ANK3: variants seen among roughly 807,000 people sequenced by gnomAD.
The protein encoded by ANK3 is ankyrin 3.
Under a neutral mutation model 370.9 loss-of-function variants are expected in ANK3, and 57 were observed. The ratio of observed to expected loss-of-function variants is 0.15; its 90% CI spans 0.12 to 0.19. The LOEUF (loss-of-function observed/expected upper bound fraction) is 0.19. ANK3 is among the 10% of genes least tolerant of loss of function. The pLI is 1.00. For missense variants in ANK3, 4,439 were observed against 5,302.1 expected, an observed-to-expected ratio of 0.84 and a Z score of 5.06; for synonymous variants, 1,929 against 1,946.3, an observed-to-expected ratio of 0.99 and a Z score of 0.23.
At chr10:60,232,696 C>A (rs753174696) in intron 8 of ANK3, among the ~76,000 whole-genome samples, 1 of 152,076 alleles carries the variant, frequency 6.6e-6, no homozygotes, top group Non-Finnish European at 1.5e-5. Flanking sequence ...AAAAAGAAGT[C>A]TAGGTCTCCT....
intron 1 of ANK3, among the ~76,000 whole-genome samples, chr10:60,379,567 A>AAC (rs1200606475): frequency 1.6e-4 from 24 of 152,292 alleles, no homozygotes; most frequent in Admixed American, 1.2e-3. Flanking sequence ...CATTTGTAGC[A>AAC]ACATGGGCAG....
chr10:60,627,683 C>G (rs898119612), intron 1 of ANK3, among the ~76,000 whole-genome samples: 2 of 152,154 alleles, frequency 1.3e-5, no homozygotes, highest in African/African-American at 4.8e-5. Context: ...GGTCAAGAGT[C>G]TGCCCTCTGA....
chr10:60,351,369 C>T (rs1418736183), intron 1 of ANK3, among the ~76,000 whole-genome samples: 1 of 152,172 alleles, frequency 6.6e-6, no homozygotes, highest in East Asian at 1.9e-4. Flanking sequence ...CATAACCAGT[C>T]AATAACCCCT....
At chr10:60,316,498 G>C (rs1246667890) in intron 1 of ANK3, among the ~76,000 whole-genome samples, 2 of 152,130 alleles carry the variant, frequency 1.3e-5, no homozygotes, top group African/African-American at 4.8e-5. Context: ...CATAATAACA[G>C]TTTTATTTGA....
intron 24 of ANK3, chr10:60,138,483 A>G: frequency 2.5e-6 from 1 of 396,044 alleles, no homozygotes; most frequent in Non-Finnish European, 4.4e-6. Context: ...GAGATACTCA[A>G]ACACTTGGTG....
intron 28 of ANK3, 112 bp from the exon 29 acceptor site, chr10:60,088,470 G>A: frequency 1.1e-6 from 1 of 946,658 alleles, no homozygotes; most frequent in South Asian, 1.6e-5. Context: ...TTGTTACCCA[G>A]GCTGAAGTGC....
chr10:60,235,095 T>C (rs1290854428), intron 7 of ANK3, among the ~76,000 whole-genome samples: 1 of 152,218 alleles, frequency 6.6e-6, no homozygotes, highest in Non-Finnish European at 1.5e-5. Context: ...AATGTATTTT[T>C]CTATAATTTG....
At chr10:60,411,636 T>C (rs778540415) in intron 2 of ANK3, among the ~76,000 whole-genome samples, 9 of 152,024 alleles carry the variant, frequency 5.9e-5, no homozygotes, top group Non-Finnish European at 1.3e-4. Context: ...AGAAATGAAT[T>C]AAGCAGCACC....
chr10:60,097,746 C>T (rs1035054086), intron 28 of ANK3, among the ~76,000 whole-genome samples: 1 of 152,184 alleles, frequency 6.6e-6, no homozygotes, highest in African/African-American at 2.4e-5. Flanking sequence ...AATGGGGACA[C>T]AGCTCTGTTT....
At chr10:60,625,900 A>G (rs2078403588) in intron 1 of ANK3, among the ~76,000 whole-genome samples, 2 of 152,232 alleles carry the variant, frequency 1.3e-5, no homozygotes, top group South Asian at 4.1e-4. Context: ...ACATTAGTAC[A>G]TATTTTTAAA....
At chr10:60,089,497 GTGTGTGTGTGTA>G (rs1251665284) in intron 28 of ANK3, among the ~76,000 whole-genome samples, 37 of 127,468 alleles carry the variant, frequency 2.9e-4, no homozygotes, top group African/African-American at 1.1e-3. Context: ...GTGTGTGTGT[GTGTGTGTGTGTA>G]TGTATGTGTG....
chr10:60,712,593 A>C (rs1433503767), intron 1 of ANK3, among the ~76,000 whole-genome samples: 4 of 152,222 alleles, frequency 2.6e-5, no homozygotes, highest in Admixed American at 2.6e-4. Context: ...AGTGAAAAAT[A>C]TGGTAGATAT....
intron 1 of ANK3, among the ~76,000 whole-genome samples, chr10:60,707,132 C>A (rs1021840774): frequency 1.3e-5 from 2 of 152,182 alleles, no homozygotes; most frequent in Middle Eastern, 3.4e-3. Flanking sequence ...AACCAACAAT[C>A]GAACTCTAAT....
chr10:60,342,842 A>T (rs1416112356), intron 1 of ANK3, among the ~76,000 whole-genome samples: 1 of 152,152 alleles, frequency 6.6e-6, no homozygotes, highest in Non-Finnish European at 1.5e-5. Context: ...GGGTTCCATG[A>T]CCCAGTACAT....
intron 2 of ANK3, among the ~76,000 whole-genome samples, chr10:60,461,286 T>C (rs2064877178): frequency 6.6e-6 from 1 of 152,160 alleles, no homozygotes; most frequent in East Asian, 1.9e-4. Flanking sequence ...AATGCTATAC[T>C]TACCATGCTA....
intron 1 of ANK3, among the ~76,000 whole-genome samples, chr10:60,331,105 T>C (rs561005013): frequency 1.2e-4 from 17 of 136,050 alleles, no homozygotes; most frequent in Admixed American, 8.4e-4. Context: ...CATTACAAAC[T>C]GGGCCTGTCA....
At chr10:60,599,368 T>C (rs2078030003) in intron 2 of ANK3, among the ~76,000 whole-genome samples, 1 of 152,206 alleles carries the variant, frequency 6.6e-6, no homozygotes. Context: ...ATTCCTAGTG[T>C]GTTAATGTGG....
chr10:60,270,053 G>T, intron 5 of ANK3, 78 bp downstream of exon 5: 1 of 869,708 alleles, frequency 1.1e-6, no homozygotes, highest in Non-Finnish European at 1.7e-6. Context: ...ATACTAGTAG[G>T]ACAAATTCAC....
At chr10:60,560,894 A>G (rs890305140) in intron 2 of ANK3, among the ~76,000 whole-genome samples, 6 of 152,348 alleles carry the variant, frequency 3.9e-5, no homozygotes, top group African/African-American at 1.4e-4. Flanking sequence ...CCGTGGTTCA[A>G]CTTCTGTATT....
Sources: allele counts gnomAD v4.1 joint callset (sites outside exome capture counted in the v4.1 genomes callset), GRCh38; gene constraint gnomAD v4.1.1; transcripts MANE v1.5; gene names NCBI Gene and HGNC (gene_info 2026-07-23, HGNC 2026-07-21).